AHI1: variants seen among roughly 807,000 people sequenced by gnomAD.
AHI1 encodes the protein Abelson helper integration site 1.
A neutral mutation model predicts 149.3 loss-of-function variants in AHI1; 123 were observed. The ratio of observed to expected loss-of-function variants is 0.82; its 90% CI spans 0.71 to 0.96. The LOEUF is 0.96. Ranked by LOEUF, AHI1 falls within the 40% of genes least tolerant of loss-of-function variation. The pLI, the probability that AHI1 is intolerant of heterozygous loss-of-function variation, is 0.00. For synonymous variants in AHI1, 475 were observed against 459.8 expected, an observed-to-expected ratio of 1.03 and a Z score of -0.42; for missense variants, 1,439 against 1,422.7, an observed-to-expected ratio of 1.01 and a Z score of -0.18.
intron 23 of AHI1, among the ~76,000 whole-genome samples, chr6:135,391,578 G>C (rs957724048): frequency 1.6e-4 from 24 of 152,090 alleles, no homozygotes; most frequent in African/African-American, 5.8e-4. Flanking sequence ...AATAAAATGT[G>C]AATTCCTCAG....
chr6:135,351,650 G>C (rs1792132460), intron 24 of AHI1, among the ~76,000 whole-genome samples: 1 of 152,194 alleles, frequency 6.6e-6, no homozygotes, highest in Non-Finnish European at 1.5e-5. Context: ...GGGACAAACT[G>C]GAGGTAAGTT....
At chr6:135,471,500 G>A (rs919976189) in intron 5 of AHI1, among the ~76,000 whole-genome samples, 4 of 151,804 alleles carry the variant, frequency 2.6e-5, no homozygotes, top group Non-Finnish European at 4.4e-5. Context: ...ATAAACTTTT[G>A]TTAACTTCTA....
chr6:135,370,444 G>A (rs1433012096), intron 23 of AHI1, among the ~76,000 whole-genome samples: 1 of 152,178 alleles, frequency 6.6e-6, no homozygotes, highest in Non-Finnish European at 1.5e-5. Flanking sequence ...TGACATTTGG[G>A]ATCTTTCAGA....
At chr6:135,361,637 G>A in intron 23 of AHI1, among the ~76,000 whole-genome samples, 1 of 125,824 alleles carries the variant, frequency 7.9e-6, no homozygotes, top group African/African-American at 3.1e-5. Flanking sequence ...AGGTACCTAG[G>A]TATGGTTTCA....
In AHI1 at chr6:135,358,187, C is replaced by T. The variant is rs750747247; in HGVS notation, c.3110G>A (p.Gly1037Glu). ...AGGCTTTCTTTCTATGCTGATAATC[C>T]CTGTGGAAAGAAAACATTGTGAGTA... ...ILHQFGFTQT[G>E]IISIERKPCN... The change falls in exon 24 of 29, where the codon GGG becomes GAG. Residue 1037 changes from glycine (G) to glutamate (E), a missense_variant and splice_region_variant. Physicochemically the swap from Gly to Glu is moderately conservative, Grantham distance 98 (BLOSUM62 -2). Coordinates refer to ENST00000265602, the MANE Select transcript of AHI1 (RefSeq NM_001134831.2). 1 of 1,611,158 alleles carries T rather than the reference C, an allele frequency of 6.2e-7. No homozygotes were observed. The highest frequency in any genetic ancestry group is 1.1e-5 in the South Asian group (1 of 90,674).
intron 5 of AHI1, among the ~76,000 whole-genome samples, chr6:135,473,786 A>G (rs1792145340): frequency 6.6e-6 from 1 of 152,136 alleles, no homozygotes; most frequent in Admixed American, 6.5e-5. Context: ...CAAGTGATTC[A>G]TTACTGGTAT....
chr6:135,490,718 C>A lies in AHI1; in HGVS notation c.40G>T (p.Val14Phe). Reference sequence around the variant, plus strand: ...GTCTTAAGCAATTCTTCAAAGCGAACTTTGGTTTTTACTTTTGCTTCACTC... The same window carrying A: ...GTCTTAAGCAATTCTTCAAAGCGAAATTTGGTTTTTACTTTTGCTTCACTC... The part of the protein sequence containing the change: ...AESEAKVKTK[V>F]RFEELLKTHS... Residue 14 changes from valine (V) to phenylalanine (F), a missense_variant, in exon 5 of 29, where the codon GTT becomes TTT. Transcript: ENST00000265602. The A allele has an allele frequency of 6.2e-7, 1 of 1,612,878 alleles. No individual in the cohort carries two copies. The highest frequency in any genetic ancestry group is 8.5e-7 in the Non-Finnish European group (1 of 1,179,482).
chr6:135,448,495 T>A lies in AHI1; in HGVS notation c.1441-20A>T. 3 of 1,433,032 alleles carry A rather than the reference T, an allele frequency of 2.1e-6. No homozygotes were observed. The highest frequency in any genetic ancestry group is 2.8e-6 in the Non-Finnish European group (3 of 1,071,286). 88.8% of individuals were successfully genotyped at this position (1,433,032 alleles called of 1,614,324 possible). Reference sequence around the variant, plus strand: ...CAGAAGCTTAAAATAAGAATTCATATAAAATGTTACCTTCATTGAAAATAA... The same window carrying A: ...CAGAAGCTTAAAATAAGAATTCATAAAAAATGTTACCTTCATTGAAAATAA... On this transcript the variant is annotated intron_variant, in intron 11 of 28. Transcript: ENST00000265602.
chr6:135,462,063 A>T (rs186269927), intron 8 of AHI1, among the ~76,000 whole-genome samples: 31 of 152,076 alleles, frequency 2.0e-4, no homozygotes, highest in Middle Eastern at 3.4e-3. Context: ...TTAGTGCTTT[A>T]TATATATAGA....
At chr6:135,305,140 G>A (rs1313734705) in intron 26 of AHI1, 1 of 152,162 alleles carries the variant, frequency 6.6e-6, no homozygotes, top group Admixed American at 6.5e-5. Flanking sequence ...GGCAGTGGCT[G>A]TTACACAGAA....
intron 8 of AHI1, among the ~76,000 whole-genome samples, chr6:135,462,133 G>A (rs983860877): frequency 2.4e-4 from 36 of 151,850 alleles, no homozygotes; most frequent in Non-Finnish European, 8.8e-5. Flanking sequence ...TACACATTAT[G>A]CTTCAACAAA....
chr6:135,424,157 G>T (rs73777524), intron 20 of AHI1, among the ~76,000 whole-genome samples: 8,384 of 151,984 alleles, frequency 0.055, 683 homozygotes, highest in African/African-American at 0.18. Flanking sequence ...TTGCTGAAAA[G>T]GAAATTTAGT....
intron 24 of AHI1, among the ~76,000 whole-genome samples, chr6:135,346,436 G>A (rs574544741): frequency 6.6e-6 from 1 of 152,040 alleles, no homozygotes; most frequent in African/African-American, 2.4e-5. Flanking sequence ...TCCTGACCTC[G>A]TGATCTGCCC....
At chr6:135,425,571 A>G (rs1408478334) in intron 20 of AHI1, among the ~76,000 whole-genome samples, 1 of 151,890 alleles carries the variant, frequency 6.6e-6, no homozygotes, top group South Asian at 2.1e-4. Context: ...TCATGGTCTC[A>G]TAGTATCTTC....
intron 24 of AHI1, among the ~76,000 whole-genome samples, chr6:135,344,338 C>A (rs897802094): frequency 6.0e-5 from 9 of 151,214 alleles, no homozygotes; most frequent in Admixed American, 2.6e-4. Flanking sequence ...CAATAATAAA[C>A]AGGTTAACTT....
intron 17 of AHI1, among the ~76,000 whole-genome samples, 172 bp downstream of exon 17, chr6:135,431,036 T>G (rs1336175139): frequency 6.6e-6 from 1 of 152,044 alleles, no homozygotes; most frequent in African/African-American, 2.4e-5. Context: ...AGTCGTTATA[T>G]CATCAGTCAG....
chr6:135,396,460 G>C (rs1487791946), intron 22 of AHI1, among the ~76,000 whole-genome samples: 1 of 151,738 alleles, frequency 6.6e-6, no homozygotes, highest in African/African-American at 2.4e-5. Flanking sequence ...AAGCACTAAT[G>C]AACATTAAAT....
chr6:135,326,467 C>T (rs1440915781), intron 24 of AHI1, among the ~76,000 whole-genome samples: 1 of 152,040 alleles, frequency 6.6e-6, no homozygotes, highest in East Asian at 1.9e-4. Flanking sequence ...TTTAGGGGTA[C>T]AAGTGGTTTC....
chr6:135,305,882 A>G (rs1784477962), intron 26 of AHI1, among the ~76,000 whole-genome samples: 1 of 152,220 alleles, frequency 6.6e-6, no homozygotes, highest in Non-Finnish European at 1.5e-5. Context: ...ATTTCTGGCC[A>G]CAGCAGGCTT....
Sources: gnomAD v4.1 joint callset for allele counts (sites outside exome capture counted in the v4.1 genomes callset) on GRCh38, gnomAD v4.1.1 for gene constraint, MANE v1.5 for transcripts, NCBI Gene and HGNC (gene_info 2026-07-23, HGNC 2026-07-21) for gene names.